NIPA1: variants seen among roughly 807,000 people sequenced by gnomAD.
NIPA1 encodes NIPA magnesium transporter 1, also known as magnesium transporter NIPA1.
In NIPA1, 13 loss-of-function variants were observed where a neutral mutation model predicts 23.9. The observed-to-expected ratio is 0.54, with a 90% CI of 0.35 to 0.87. The LOEUF (loss-of-function observed/expected upper bound fraction) is 0.87. Ranked by LOEUF, NIPA1 falls within the 40% of genes least tolerant of loss-of-function variation. The probability of loss-of-function intolerance (pLI) is 0.01; values close to 1 mark genes in which losing one functional copy is unlikely to be tolerated. For synonymous variants in NIPA1, 234 were observed against 202.9 expected (o/e 1.15, Z -1.30); for missense variants, 362 against 429.7 (o/e 0.84, Z 1.39).
Position 22,796,746 on chromosome 15 carries a change from C to T in NIPA1, c.178+9912C>T, listed in dbSNP as rs561202937. Among the ~76,000 whole-genome samples, 7 of 152,270 alleles carry T rather than the reference C, an allele frequency of 4.6e-5. No homozygotes were observed. The South Asian group carries it at 8.3e-4, about 18-fold the overall frequency. On this transcript the variant is annotated intron_variant, in intron 1 of 4. Transcript: ENST00000337435. The stretch of plus-strand genomic sequence containing the variant: ...GCAGCCAGGAGCCTGTGAATGTAAA[C>T]GGTCCCTTTTAGATGCTGCCAGGGC...
chr15:22,811,725 T>C (rs978566088), intron 2 of NIPA1, among the ~76,000 whole-genome samples: 9 of 152,318 alleles, frequency 5.9e-5, no homozygotes, highest in African/African-American at 2.2e-4. Flanking sequence ...CTGGGTGATG[T>C]CCCTGCTGCA....
In NIPA1 at chr15:22,823,891, A is replaced by C. The variant is rs1240373706; in HGVS notation, c.642A>C (p.Gln214His). Residue 214 changes from glutamine (Q) to histidine (H), a missense_variant, in exon 5 of 5, where the codon CAA (glutamine) becomes CAC (histidine). Gln to His is a conservative substitution (Grantham distance 24). Around this residue, in one of 2 missense-constraint regions of NIPA1, gnomAD observed 277 missense variants for 372.0 expected, o/e 0.74. Transcript: ENST00000337435. ...CCAAGGGCATCGGGCTGGCGGCCCA[A>C]GACATCTTGCATAACAACCCGTCCA... The part of the protein sequence containing the change: ...PSTKGIGLAA[Q>H]DILHNNPSSQ... 6 of 1,614,200 alleles carry C rather than the reference A, an allele frequency of 3.7e-6. No homozygotes were observed. The highest frequency in any genetic ancestry group is 5.1e-6 in the Non-Finnish European group (6 of 1,180,000).
In NIPA1 at chr15:22,814,158, G is replaced by A. The variant is rs1305524716; in HGVS notation, c.317+1905G>A. 4.1e-6 allele frequency: 5 copies of A among 1,219,800 alleles called. No individual in the cohort carries two copies. In the Admixed American group the frequency reaches 9.6e-5, roughly 23 times the overall value. 75.6% of individuals were successfully genotyped at this position (1,219,800 alleles called of 1,614,324 possible). A position where few individuals can be genotyped will look rare whatever the true frequency, so the allele number is the denominator to read the frequency against. On this transcript the variant is annotated intron_variant, in intron 3 of 4. Coordinates refer to ENST00000337435, the MANE Select transcript of NIPA1 (RefSeq NM_144599.5). ...TGTCTTCAACTTGGAATCCCAGTAA[G>A]ACCTTTTCTTTTAAACAGAATAAAA... is the stretch of plus-strand genomic sequence containing the variant.
intron 1 of NIPA1, among the ~76,000 whole-genome samples, chr15:22,787,163 C>A (rs1190988095): frequency 9.2e-5 from 14 of 152,058 alleles, no homozygotes; most frequent in Admixed American, 8.5e-4. Context: ...TTCCCTCGGT[C>A]CAAGACCTGC....
At chr15:22,819,584 A>T (rs1474072263) in intron 3 of NIPA1, among the ~76,000 whole-genome samples, 1 of 152,180 alleles carries the variant, frequency 6.6e-6, no homozygotes, top group Non-Finnish European at 1.5e-5. Context: ...TAGCCACCCC[A>T]TACTACTTCT....
intron 1 of NIPA1, among the ~76,000 whole-genome samples, chr15:22,803,273 G>C (rs1245393886): frequency 2.0e-5 from 3 of 151,840 alleles, no homozygotes; most frequent in Non-Finnish European, 4.4e-5. Flanking sequence ...CCAAAGTGCT[G>C]GGATTATAGG....
intron 1 of NIPA1, among the ~76,000 whole-genome samples, chr15:22,789,276 A>G (rs1894779800): frequency 6.6e-6 from 1 of 152,172 alleles, no homozygotes; most frequent in Admixed American, 6.5e-5. Context: ...GGCGTGAGCC[A>G]CCAACACTCG....
chr15:22,803,347 T>C (rs916900669), intron 1 of NIPA1, among the ~76,000 whole-genome samples: 9 of 151,952 alleles, frequency 5.9e-5, no homozygotes, highest in African/African-American at 2.2e-4. Context: ...TGTGTGTGTA[T>C]ATGTATATAT....
At chr15:22,799,266 C>T (rs1352180589) in intron 1 of NIPA1, among the ~76,000 whole-genome samples, 7 of 152,230 alleles carry the variant, frequency 4.6e-5, no homozygotes, top group African/African-American at 1.4e-4. Flanking sequence ...AACAAGATCA[C>T]GTCCTTCACA....
chr15:22,822,951 C>T (rs1310328214), intron 4 of NIPA1, among the ~76,000 whole-genome samples: 3 of 106,742 alleles, frequency 2.8e-5, no homozygotes, highest in Non-Finnish European at 5.1e-5. Context: ...CGGACTCTTG[C>T]TCTGTCGCCC....
intron 1 of NIPA1, among the ~76,000 whole-genome samples, chr15:22,793,233 C>T (rs936840254): frequency 3.3e-5 from 5 of 150,492 alleles, no homozygotes; most frequent in African/African-American, 9.8e-5. Context: ...CCTGTAGTCC[C>T]AGCCACTTGG....
chr15:22,813,535 T>C (rs549135126), intron 3 of NIPA1: 218 of 424,954 alleles, frequency 5.1e-4, no homozygotes, highest in African/African-American at 4.2e-3. Flanking sequence ...TATTCTGATT[T>C]GTCTTTGAAG....
chr15:22,791,865 G>T (rs1894836481), intron 1 of NIPA1, among the ~76,000 whole-genome samples: 1 of 152,072 alleles, frequency 6.6e-6, no homozygotes, highest in South Asian at 2.1e-4. Context: ...GCTCGGATGG[G>T]ACAGCCTGCC....
intron 4 of NIPA1, among the ~76,000 whole-genome samples, chr15:22,820,980 C>G (rs201012102): frequency 3.6e-5 from 5 of 140,426 alleles, no homozygotes; most frequent in Non-Finnish European, 7.7e-5. Context: ...CTTTTCTTTT[C>G]TTTTTTTTTT....
intron 1 of NIPA1, among the ~76,000 whole-genome samples, chr15:22,805,248 C>T (rs1437440237): frequency 6.6e-6 from 1 of 152,206 alleles, no homozygotes; most frequent in Admixed American, 6.5e-5. Context: ...TAATAACCAA[C>T]AGGCAAAAGA....
chr15:22,790,668 C>G (rs903253642), intron 1 of NIPA1, among the ~76,000 whole-genome samples: 1 of 152,096 alleles, frequency 6.6e-6, no homozygotes, highest in Non-Finnish European at 1.5e-5. Flanking sequence ...CCCACCTTGA[C>G]CTCCCAAAGT....
chr15:22,824,691 C>T lies in NIPA1; in HGVS notation c.*452C>T, dbSNP rs527946977. On this transcript the variant is annotated 3_prime_UTR_variant, in exon 5 of 5. Transcript: ENST00000337435. This position sits in a 1 kb window ranked among gnomAD's most constrained non-coding sequence, Gnocchi z 4.1. The stretch of plus-strand genomic sequence containing the variant: ...ATGTGTCTGTAGTTGTGTTAGTTTG[C>T]ATTAAGCATGTATAACATTCAAGTA... 1 of 191,444 alleles carries T rather than the reference C, an allele frequency of 5.2e-6. No individual in the cohort carries two copies. The highest frequency in any genetic ancestry group is 1.0e-4 in the South Asian group (1 of 9,774). The allele number at this position is 191,444 out of a possible 1,614,324, so 11.9% of individuals were successfully genotyped here.
intron 4 of NIPA1, 142 bp downstream of exon 4, chr15:22,820,615 T>C (rs942682005): frequency 6.5e-6 from 5 of 772,216 alleles, no homozygotes; most frequent in Admixed American, 1.7e-5. Context: ...ATCTGTGTTC[T>C]CTGGGAACGT....
At chr15:22,811,091 G>A (rs1277387065) in intron 2 of NIPA1, 2 of 426,642 alleles carry the variant, frequency 4.7e-6, no homozygotes, top group Admixed American at 7.6e-5. Flanking sequence ...TCTGTCCTGG[G>A]CCCGAAGAAA....
Sources: gnomAD v4.1 joint callset for allele counts (sites outside exome capture counted in the v4.1 genomes callset) on GRCh38, gnomAD v4.1.1 for gene constraint, gnomAD v4.1.1 regional missense constraint, Gnocchi (gnomAD v3.1) non-coding constraint, MANE v1.5 for transcripts, NCBI Gene and HGNC (gene_info 2026-07-23, HGNC 2026-07-21) for gene names.